GOLGA4: variants seen among roughly 807,000 people sequenced by gnomAD.
The protein encoded by GOLGA4 is golgin A4.
GOLGA4 carries 169 observed loss-of-function variants against 265.9 expected under a neutral mutation model. The ratio of observed to expected loss-of-function variants is 0.64; its 90% CI spans 0.56 to 0.72. GOLGA4 has a LOEUF of 0.72. GOLGA4 is among the 30% of genes least tolerant of loss of function. The pLI is 0.00. For synonymous variants in GOLGA4, 923 were observed against 855.8 expected (o/e 1.08, Z -1.37); for missense variants, 2,482 against 2,483.4 (o/e 1.00, Z 0.01).
At chr3:37,338,862 T>G (rs970509887) in intron 19 of GOLGA4, among the ~76,000 whole-genome samples, 1 of 126,828 alleles carries the variant, frequency 7.9e-6, no homozygotes, top group African/African-American at 3.0e-5. Context: ...TATGTTAGGC[T>G]TTTTTTTTTT....
At chr3:37,269,305 C>G (rs1054794171) in intron 2 of GOLGA4, among the ~76,000 whole-genome samples, 1 of 152,162 alleles carries the variant, frequency 6.6e-6, no homozygotes, top group African/African-American at 2.4e-5. Flanking sequence ...TGAGCCCTTA[C>G]TACTAGTCAG....
At chr3:37,266,838 A>T (rs1178776528) in intron 2 of GOLGA4, 2 of 1,247,386 alleles carry the variant, frequency 1.6e-6, no homozygotes, top group African/African-American at 3.1e-5. Flanking sequence ...ACTGAATGAG[A>T]CAGCTACTAG....
At chr3:37,262,994 T>TC (rs770635042) in intron 2 of GOLGA4, among the ~76,000 whole-genome samples, 26 of 152,362 alleles carry the variant, frequency 1.7e-4, no homozygotes, top group Non-Finnish European at 2.9e-4. Flanking sequence ...TCCTAGGACT[T>TC]CACCTTCACT....
At chr3:37,365,819 A>C (rs1022077237) in intron 23 of GOLGA4, among the ~76,000 whole-genome samples, 4 of 138,022 alleles carry the variant, frequency 2.9e-5, no homozygotes, top group Non-Finnish European at 6.3e-5. Flanking sequence ...TTTTTTTCAG[A>C]ATGGGGTCTT....
At chr3:37,359,727 A>C (rs909483829) in intron 22 of GOLGA4, among the ~76,000 whole-genome samples, 3 of 151,962 alleles carry the variant, frequency 2.0e-5, no homozygotes, top group African/African-American at 7.3e-5. Flanking sequence ...GAATTTTCAA[A>C]ATTTCCTCCG....
chr3:37,284,509 C>G (rs1305287242), intron 3 of GOLGA4, among the ~76,000 whole-genome samples: 1 of 152,050 alleles, frequency 6.6e-6, no homozygotes, highest in African/African-American at 2.4e-5. Context: ...ACCTTGGCCT[C>G]CCAGAGTGCT....
intron 16 of GOLGA4, among the ~76,000 whole-genome samples, chr3:37,332,257 G>A (rs2096992994): frequency 6.6e-6 from 1 of 152,142 alleles, no homozygotes; most frequent in African/African-American, 2.4e-5. Flanking sequence ...ATGCTTTTCT[G>A]TGTGCCTAAA....
chr3:37,292,643 C>T (rs1272288205), intron 5 of GOLGA4, among the ~76,000 whole-genome samples: 1 of 151,692 alleles, frequency 6.6e-6, no homozygotes, highest in East Asian at 1.9e-4. Context: ...GCCTAGATCG[C>T]ACCACTGCAC....
chr3:37,251,291 C>T, intron 1 of GOLGA4, 104 bp from the exon 2 acceptor site: 1 of 662,788 alleles, frequency 1.5e-6, no homozygotes, highest in Non-Finnish European at 2.6e-6. Context: ...CTTTTCCTTT[C>T]TTTCACTGAA....
chr3:37,339,168 G>A lies in GOLGA4; in HGVS notation c.6397-956G>A, dbSNP rs549463555. ...TGAGCCACCGTGCCCGGCCTGTGTCGGGCTTTTTTTCAGCTTAGCGTGATG... is the reference window on the plus strand; with the variant it reads ...TGAGCCACCGTGCCCGGCCTGTGTCAGGCTTTTTTTCAGCTTAGCGTGATG... On this transcript the variant is annotated intron_variant, in intron 19 of 23. Transcript: ENST00000361924. Among the ~76,000 whole-genome samples the A allele has an allele frequency of 3.3e-5, 5 of 152,036 alleles. No individual in the cohort carries two copies. The South Asian group carries it at 6.2e-4, about 19-fold the overall frequency.
chr3:37,360,996 GTTGT>G (rs1559477888), intron 22 of GOLGA4, among the ~76,000 whole-genome samples: 2 of 152,156 alleles, frequency 1.3e-5, no homozygotes, highest in South Asian at 2.1e-4. Flanking sequence ...CTTTCATTAC[GTTGT>G]TTAAGTCTTC....
At chr3:37,289,182 C>A in intron 4 of GOLGA4, 53 bp from the exon 5 acceptor site, 1 of 897,392 alleles carries the variant, frequency 1.1e-6, no homozygotes, top group East Asian at 2.5e-5. Context: ...TTTGTATTTA[C>A]TATGTCATAC....
intron 5 of GOLGA4, 149 bp downstream of exon 5, chr3:37,289,440 G>T (rs2096859193): frequency 1.3e-5 from 7 of 521,528 alleles, no homozygotes. Context: ...GTCAGTTCTT[G>T]AAGTTTTTAT....
intron 5 of GOLGA4, among the ~76,000 whole-genome samples, chr3:37,291,982 A>C (rs2096865846): frequency 6.6e-6 from 1 of 152,126 alleles, no homozygotes; most frequent in Admixed American, 6.5e-5. Flanking sequence ...TAATTATCTT[A>C]GAAGTTTGAC....
intron 20 of GOLGA4, among the ~76,000 whole-genome samples, chr3:37,346,867 A>G (rs1379826288): frequency 1.3e-5 from 2 of 152,240 alleles, no homozygotes; most frequent in South Asian, 2.1e-4. Flanking sequence ...TAAATGACAC[A>G]TAACACAGTT....
At chr3:37,254,644 G>A (rs1301260674) in intron 2 of GOLGA4, among the ~76,000 whole-genome samples, 1 of 151,680 alleles carries the variant, frequency 6.6e-6, no homozygotes, top group Non-Finnish European at 1.5e-5. Context: ...TAGTAGTTGA[G>A]ACTATTCGCC....
At chr3:37,305,220 G>T (rs934904777) in intron 10 of GOLGA4, among the ~76,000 whole-genome samples, 1 of 152,092 alleles carries the variant, frequency 6.6e-6, no homozygotes, top group African/African-American at 2.4e-5. Context: ...CGCCCTGCCA[G>T]ATTTAAATTA....
intron 10 of GOLGA4, among the ~76,000 whole-genome samples, chr3:37,303,195 A>C (rs1365787606): frequency 1.3e-5 from 2 of 152,230 alleles, no homozygotes; most frequent in Non-Finnish European, 2.9e-5. Flanking sequence ...CTGAGTTTAG[A>C]CTTTGATATA....
At chr3:37,336,770 GAGAA>G (rs953689079) in intron 17 of GOLGA4, among the ~76,000 whole-genome samples, 26 of 150,622 alleles carry the variant, frequency 1.7e-4, no homozygotes, top group African/African-American at 4.7e-4. Context: ...AAAAGAAAGA[GAGAA>G]AGAGAGAGAG....
Sources: gnomAD v4.1 joint callset for allele counts (sites outside exome capture counted in the v4.1 genomes callset) on GRCh38, gnomAD v4.1.1 for gene constraint, MANE v1.5 for transcripts, NCBI Gene and HGNC (gene_info 2026-07-23, HGNC 2026-07-21) for gene names.